Variants in ASB18 observed in about 807,000 individuals in gnomAD.
ASB18 encodes ankyrin repeat and SOCS box containing 18.
In ASB18, 33 loss-of-function variants were observed where a neutral mutation model predicts 33.4. That is an observed-to-expected ratio of 0.99 (90% CI 0.75 to 1.32). The LOEUF is 1.32. ASB18 is among the 40% of genes most tolerant of loss of function. The pLI, the probability that ASB18 is intolerant of heterozygous loss-of-function variation, is 0.00. For missense variants in ASB18, 694 were observed against 655.5 expected, an observed-to-expected ratio of 1.06 and a Z score of -0.64; for synonymous variants, 295 against 307.6, an observed-to-expected ratio of 0.96 and a Z score of 0.43.
chr2:236,202,731 A>G (rs2060410160), intron 4 of ASB18, among the ~76,000 whole-genome samples: 1 of 146,760 alleles, frequency 6.8e-6, no homozygotes. Context: ...GTGAGTTGAG[A>G]TCACGCCACT....
rs187215316 is a variant in ASB18 at position 236,255,590 on chromosome 2, G to A, written c.205+8551C>T. 2.0e-4 allele frequency among the ~76,000 whole-genome samples: 30 copies of A among 152,318 alleles called. No homozygotes were observed. The highest frequency in any genetic ancestry group is 3.4e-3 in the Middle Eastern group (1 of 294). On this transcript the variant is annotated intron_variant, in intron 1 of 5. Coordinates refer to ENST00000409749, the MANE Select transcript of ASB18 (RefSeq NM_212556.4). This position sits in a 1 kb window ranked among gnomAD's most constrained non-coding sequence, Gnocchi z 4.4. Reference sequence around the variant, plus strand: ...GTGAGGGAATAGCTAGCAGCTGGTGGCCTCTCCTGGCACCTGTCCTTTCTC... The same window carrying A: ...GTGAGGGAATAGCTAGCAGCTGGTGACCTCTCCTGGCACCTGTCCTTTCTC...
At chr2:236,199,598 T>G (rs1309668428) in intron 4 of ASB18, among the ~76,000 whole-genome samples, 1 of 151,542 alleles carries the variant, frequency 6.6e-6, no homozygotes, top group Non-Finnish European at 1.5e-5. Context: ...AGGCTAGATC[T>G]TCACCGTATC....
Position 236,221,233 on chromosome 2 carries a change from A to G in ASB18, c.597-6367T>C, listed in dbSNP as rs1559331583. On this transcript the variant is annotated intron_variant, in intron 3 of 5. Coordinates refer to ENST00000409749, the MANE Select transcript of ASB18 (RefSeq NM_212556.4). The surrounding 1 kb of genome is among the most constrained non-coding windows in gnomAD (Gnocchi z 5.6). ...ATGCTGACTGAGCAATGCAACAACA[A>G]CAACAACAACAACAAACAGCTGCTA... Among the ~76,000 whole-genome samples, 1 of 147,368 alleles carries G rather than the reference A, an allele frequency of 6.8e-6. No homozygotes were observed. Among genetic ancestry groups the G allele is most frequent in the Non-Finnish European group, 1.5e-5 (1 of 67,978 alleles).
Position 236,196,248 on chromosome 2 carries a change from T to C in ASB18, c.1215+24A>G. 1 of 1,320,808 alleles carries C rather than the reference T, an allele frequency of 7.6e-7. No individual in the cohort carries two copies. Among genetic ancestry groups the C allele is most frequent in the Non-Finnish European group, 1.1e-6 (1 of 936,058 alleles). The allele number at this position is 1,320,808 out of a possible 1,614,324, so 81.8% of individuals were successfully genotyped here. ...ACAGACAAAAGTTTTGTACTAAAGATGGGCAGAAAGGCAGCCCTCTTGCCT... is the reference window on the plus strand; with the variant it reads ...ACAGACAAAAGTTTTGTACTAAAGACGGGCAGAAAGGCAGCCCTCTTGCCT... On this transcript the variant is annotated intron_variant, in intron 5 of 5. Coordinates refer to ENST00000409749, the MANE Select transcript of ASB18 (RefSeq NM_212556.4). This position sits in a 1 kb window ranked among gnomAD's most constrained non-coding sequence, Gnocchi z 5.6.
At chr2:236,218,068 C>G (rs1042260973) in intron 3 of ASB18, among the ~76,000 whole-genome samples, 47 of 152,182 alleles carry the variant, frequency 3.1e-4, no homozygotes, top group African/African-American at 1.1e-3. Context: ...ATGACCAGTC[C>G]CCTTTTCCAC....
chr2:236,239,127 G>C lies in ASB18; in HGVS notation c.329-1171C>G, dbSNP rs1020672133. Among the ~76,000 whole-genome samples, 10 of 152,226 alleles carry C rather than the reference G, an allele frequency of 6.6e-5. No homozygotes were observed. The highest frequency in any genetic ancestry group is 1.3e-4 in the Non-Finnish European group (9 of 68,044). On this transcript the variant is annotated intron_variant, in intron 2 of 5. Coordinates refer to ENST00000409749, the MANE Select transcript of ASB18 (RefSeq NM_212556.4). The surrounding 1 kb of genome is among the most constrained non-coding windows in gnomAD (Gnocchi z 5.6). ...CAGTGAAGACCAGGTCGGATCTGGAGGGGGTGATGGATGTAGTCTATCTAC... is the reference window on the plus strand; with the variant it reads ...CAGTGAAGACCAGGTCGGATCTGGACGGGGTGATGGATGTAGTCTATCTAC...
rs116523677 is a variant in ASB18 at position 236,196,801 on chromosome 2, G to A, written c.1102-416C>T. On this transcript the variant is annotated intron_variant, in intron 4 of 5. Transcript: ENST00000409749. This position sits in a 1 kb window ranked among gnomAD's most constrained non-coding sequence, Gnocchi z 5.6. ...TCCCAATTTCTTACCTCAATTTTCA[G>A]ATGTGTCAGGAAATTGAGAATTGGG... Among the ~76,000 whole-genome samples, 2,967 of 152,294 alleles carry A rather than the reference G, an allele frequency of 0.019. 108 individuals carry two copies. Among genetic ancestry groups the A allele is most frequent in the African/African-American group, 0.068 (2,828 of 41,568 alleles).
rs6760010 is a variant in ASB18 at position 236,256,968 on chromosome 2, T to C, written c.205+7173A>G. Among the ~76,000 whole-genome samples, 13,802 of 152,110 alleles carry C rather than the reference T, an allele frequency of 0.091. 1,927 individuals carry two copies. The highest frequency in any genetic ancestry group is 0.3 in the African/African-American group (12,391 of 41,442). On this transcript the variant is annotated intron_variant, in intron 1 of 5. Coordinates refer to ENST00000409749, the MANE Select transcript of ASB18 (RefSeq NM_212556.4). This position sits in a 1 kb window ranked among gnomAD's most constrained non-coding sequence, Gnocchi z 4.7. ...GGTGGTGGGAGATATTTTTCTGTAT[T>C]TAAAGAGAGGGCTGCTGCAGCAGCC...
Position 236,241,338 on chromosome 2 carries a change from C to T in ASB18, c.270G>A (p.Glu90=), listed in dbSNP as rs2060620114. The T allele has an allele frequency of 1.9e-6, 3 of 1,613,926 alleles. No homozygotes were observed. The highest frequency in any genetic ancestry group is 2.5e-6 in the Non-Finnish European group (3 of 1,179,838). ...QFFQDANVVF[E]INKDEMEWQV... is the part of the protein sequence containing the mutation. ...GCCATTCCATCTCATCCTTATTGAT[C>T]TCAAACACCACGTTGGCATCCTGGA... The change falls in exon 2 of 6, where the codon GAG becomes GAA. Residue 90 remains glutamate, a synonymous_variant. Coordinates refer to ENST00000409749, the MANE Select transcript of ASB18 (RefSeq NM_212556.4). This position sits in a 1 kb window ranked among gnomAD's most constrained non-coding sequence, Gnocchi z 4.2.
Position 236,213,446 on chromosome 2 carries a change from AAT to A in ASB18, c.1101+914_1101+915del, listed in dbSNP as rs558427409. Among the ~76,000 whole-genome samples the A allele has an allele frequency of 6.4e-3, 967 of 152,276 alleles. 7 individuals carry two copies. Among genetic ancestry groups the A allele is most frequent in the African/African-American group, 0.022 (920 of 41,546 alleles). ...ATTTGTTCAAAACTAATCAGGCCAAAATATGTCTTATGTCTATGAGTGATGAG... is the reference window on the plus strand; with the variant it reads ...ATTTGTTCAAAACTAATCAGGCCAAAATGTCTTATGTCTATGAGTGATGAG... On this transcript the variant is annotated intron_variant, in intron 4 of 5. Transcript: ENST00000409749. This position sits in a 1 kb window ranked among gnomAD's most constrained non-coding sequence, Gnocchi z 4.8.
intron 3 of ASB18, among the ~76,000 whole-genome samples, chr2:236,227,701 T>G (rs2060546898): frequency 6.6e-6 from 1 of 152,236 alleles, no homozygotes; most frequent in African/African-American, 2.4e-5. Flanking sequence ...GCCTCTTTTC[T>G]TAGTATGTAG....
At position 236,220,678 on chromosome 2, in the gene ASB18, G is replaced by T. The variant is rs769313775; in HGVS notation, c.597-5812C>A. ...AGTGACATGCATAAGGCAGGAAGTG[G>T]CAAAGCAGAGGTCTCGTTGCTTCAT... On this transcript the variant is annotated intron_variant, in intron 3 of 5. Coordinates refer to ENST00000409749, the MANE Select transcript of ASB18 (RefSeq NM_212556.4). The surrounding 1 kb of genome is among the most constrained non-coding windows in gnomAD (Gnocchi z 5.1). 1.2e-4 allele frequency among the ~76,000 whole-genome samples: 19 copies of T among 152,090 alleles called. No individual in the cohort carries two copies. Among genetic ancestry groups the T allele is most frequent in the Non-Finnish European group, 2.6e-4 (18 of 68,022 alleles).
rs200718582 is a variant in ASB18, at chr2:236,195,008, C to T, written c.1265G>A (p.Arg422His). 6.6e-4 allele frequency: 1,069 copies of T among 1,613,636 alleles called. 7 individuals are homozygous for T. In the African/African-American group the frequency reaches 9.9e-3, roughly 15 times the overall value. The stretch of plus-strand genomic sequence containing the variant: ...ACAGCGGCAAAGATGCTGCAGGCAG[C>T]GTGGGGTGAGGGCCAAGGCAAAGAG... ...QSLFALALTPRCLQHLCRCAL... is the reference protein window; with the variant it reads ...QSLFALALTPHCLQHLCRCAL... Residue 422 changes from arginine to histidine, a missense_variant, in exon 6 of 6, where the codon CGC becomes CAC. By Grantham distance (29) the Arg-to-His change is conservative. Coordinates refer to ENST00000409749, the MANE Select transcript of ASB18 (RefSeq NM_212556.4). The surrounding 1 kb of genome is among the most constrained non-coding windows in gnomAD (Gnocchi z 5.5).
chr2:236,237,711 A>C lies in ASB18; in HGVS notation c.574T>G (p.Cys192Gly), dbSNP rs1417603292. The C allele has an allele frequency of 1.6e-5, 24 of 1,457,026 alleles. No homozygotes were observed. The African/African-American group carries it at 2.8e-4, about 17-fold the overall frequency. 90.3% of individuals were successfully genotyped at this position (1,457,026 alleles called of 1,614,324 possible). Reference protein sequence around the residue: ...SAEGLAPLHLCRTAASLGCAQ... With the variant: ...SAEGLAPLHLGRTAASLGCAQ... ...TACCCGAGCGAGGCGGCCGTGCGGC[A>C]GAGGTGCAGAGGCGCCAGGCCCTCG... The change falls in exon 3 of 6, where the codon TGC (cysteine) becomes GGC (glycine). Residue 192 changes from cysteine (C) to glycine (G), a missense_variant. Cys to Gly is a radical substitution (Grantham distance 159). Coordinates refer to ENST00000409749, the MANE Select transcript of ASB18 (RefSeq NM_212556.4). This position sits in a 1 kb window ranked among gnomAD's most constrained non-coding sequence, Gnocchi z 6.2.
rs1054077477 is a variant in ASB18, at chr2:236,256,194, T to C, written c.205+7947A>G. Among the ~76,000 whole-genome samples, 7 of 151,998 alleles carry C rather than the reference T, an allele frequency of 4.6e-5. No individual in the cohort carries two copies. Among genetic ancestry groups the C allele is most frequent in the African/African-American group, 1.7e-4 (7 of 41,372 alleles). On this transcript the variant is annotated intron_variant, in intron 1 of 5. Transcript: ENST00000409749. This position sits in a 1 kb window ranked among gnomAD's most constrained non-coding sequence, Gnocchi z 4.7. ...GTGTGTGCCATCATGCCCAGGCTAA[T>C]TGGTGTATTTTTTGTAGAGATAGAG...
chr2:236,242,455 G>T (rs7581196), intron 1 of ASB18, among the ~76,000 whole-genome samples: 30,078 of 151,990 alleles, frequency 0.2, 3,123 homozygotes, highest in South Asian at 0.27. Flanking sequence ...TGTATGGTTT[G>T]GGTGCTATGA....
At chr2:236,197,753 C>A (rs56746701) in intron 4 of ASB18, among the ~76,000 whole-genome samples, 144 of 151,158 alleles carry the variant, frequency 9.5e-4, no homozygotes, top group African/African-American at 3.2e-3. Flanking sequence ...ACCTGGGAGG[C>A]GGAGGTTGCG....
rs1336692322 is a variant in ASB18 at position 236,234,925 on chromosome 2, A to G, written c.596+2764T>C. Among the ~76,000 whole-genome samples the G allele has an allele frequency of 1.3e-5, 2 of 152,206 alleles. No individual in the cohort carries two copies. The highest frequency in any genetic ancestry group is 2.9e-5 in the Non-Finnish European group (2 of 68,034). The stretch of plus-strand genomic sequence containing the variant: ...ATCATAACCCAACCTAATCCTTAAA[A>G]GAGAAAAAATGGATAAACTGGACTC... On this transcript the variant is annotated intron_variant, in intron 3 of 5. Coordinates refer to ENST00000409749, the MANE Select transcript of ASB18 (RefSeq NM_212556.4). This position sits in a 1 kb window ranked among gnomAD's most constrained non-coding sequence, Gnocchi z 4.1.
At position 236,217,335 on chromosome 2, in the gene ASB18, A is replaced by G. The variant is rs2060492484; in HGVS notation, c.597-2469T>C. On this transcript the variant is annotated intron_variant, in intron 3 of 5. Transcript: ENST00000409749. The surrounding 1 kb of genome is among the most constrained non-coding windows in gnomAD (Gnocchi z 5.2). ...GGCAGGAGAATCACTTAAACCCGGG[A>G]GGTGGAGGTTGCAGTGAGCCAAGAT... Among the ~76,000 whole-genome samples, 1 of 151,450 alleles carries G rather than the reference A, an allele frequency of 6.6e-6. No individual in the cohort carries two copies. Among genetic ancestry groups the G allele is most frequent in the South Asian group, 2.1e-4 (1 of 4,792 alleles).
Sources: allele counts gnomAD v4.1 joint callset (sites outside exome capture counted in the v4.1 genomes callset), GRCh38; gene constraint gnomAD v4.1.1; non-coding constraint Gnocchi (gnomAD v3.1); transcripts MANE v1.5; gene names NCBI Gene and HGNC (gene_info 2026-07-23, HGNC 2026-07-21).